The following PDS5B variants were observed in gnomAD, a reference collection of about 807,000 sequenced individuals.
PDS5B encodes PDS5 cohesin associated factor B.
PDS5B carries 51 observed loss-of-function variants against 184.1 expected under a neutral mutation model. The observed-to-expected ratio is 0.28, with a 90% CI of 0.22 to 0.35. The LOEUF is 0.35. Among genes scored for constraint, PDS5B ranks in the 10% least tolerant of loss-of-function variants. The pLI, the probability that PDS5B is intolerant of heterozygous loss-of-function variation, is 1.00. For missense variants in PDS5B, 1,180 were observed against 1,723.3 expected (o/e 0.68, Z 5.58); for synonymous variants, 566 against 569.2 (o/e 0.99, Z 0.08).
rs762676795 is a variant in PDS5B at position 32,678,818 on chromosome 13, C to T, written c.963-17C>T. The stretch of plus-strand genomic sequence containing the variant: ...CTCTTATTTTGAAGCTCACTCTGTG[C>T]TTTTATATTTTATCAGGTTTAATGA... On this transcript the variant is annotated splice_polypyrimidine_tract_variant and intron_variant, in intron 9 of 34. Coordinates refer to ENST00000315596, the MANE Select transcript of PDS5B (RefSeq NM_015032.4). 7.2e-7 allele frequency: 1 copy of T among 1,391,620 alleles called. No individual in the cohort carries two copies. The highest frequency in any genetic ancestry group is 1.0e-6 in the Non-Finnish European group (1 of 977,950). 86.2% of individuals were successfully genotyped at this position (1,391,620 alleles called of 1,614,324 possible). A position where few individuals can be genotyped will look rare whatever the true frequency, so the allele number is the denominator to read the frequency against.
At chr13:32,643,672 G>A (rs994243156) in intron 1 of PDS5B, among the ~76,000 whole-genome samples, 1 of 152,100 alleles carries the variant, frequency 6.6e-6, no homozygotes. Flanking sequence ...TGTTACGGTT[G>A]TGTACAGTAT....
In PDS5B at chr13:32,746,993, A is replaced by G. The variant is rs974491872; in HGVS notation, c.2736+893A>G. Among the ~76,000 whole-genome samples, 2 of 152,332 alleles carry G rather than the reference A, an allele frequency of 1.3e-5. 1 individual carries two copies. The highest frequency in any genetic ancestry group is 1.3e-4 in the Admixed American group (2 of 15,298). On this transcript the variant is annotated intron_variant, in intron 24 of 34. Coordinates refer to ENST00000315596, the MANE Select transcript of PDS5B (RefSeq NM_015032.4). ...GGAAAACAACAGTATCGAAATTTAT[A>G]CTTTTATAAAGACATGACATAGAAC...
chr13:32,595,181 T>A (rs937965058), intron 1 of PDS5B, among the ~76,000 whole-genome samples: 4 of 151,932 alleles, frequency 2.6e-5, no homozygotes, highest in Non-Finnish European at 5.9e-5. Context: ...AAAAAAAAAA[T>A]GTTGTAGGGG....
At chr13:32,747,807 G>C (rs935714632) in intron 24 of PDS5B, among the ~76,000 whole-genome samples, 1 of 152,182 alleles carries the variant, frequency 6.6e-6, no homozygotes, top group Non-Finnish European at 1.5e-5. Context: ...AGCATTTGCT[G>C]CTATCATTAT....
chr13:32,749,815 G>A (rs1193107900), intron 24 of PDS5B, among the ~76,000 whole-genome samples: 1 of 151,892 alleles, frequency 6.6e-6, no homozygotes, highest in African/African-American at 2.4e-5. Context: ...TAAAAGCTTT[G>A]ATTGGAACTT....
chr13:32,776,285 G>C lies in PDS5B; in HGVS notation c.*1233G>C, dbSNP rs1018729619. The C allele has an allele frequency of 1.3e-5, 2 of 152,484 alleles. No individual in the cohort carries two copies. The highest frequency in any genetic ancestry group is 2.9e-5 in the Non-Finnish European group (2 of 68,040). 9.4% of individuals were successfully genotyped at this position (152,484 alleles called of 1,614,324 possible). ...TTTGGAGCCAAAAAATTGATTCTGG[G>C]GGGTGGGGGCAGCGTAGAAGTGGTA... On this transcript the variant is annotated 3_prime_UTR_variant, in exon 35 of 35. Coordinates refer to ENST00000315596, the MANE Select transcript of PDS5B (RefSeq NM_015032.4).
At chr13:32,609,315 A>G (rs2058106010) in intron 1 of PDS5B, among the ~76,000 whole-genome samples, 1 of 152,234 alleles carries the variant, frequency 6.6e-6, no homozygotes, top group Admixed American at 6.5e-5. Context: ...AGAAAAGGTG[A>G]GAAAAGAATA....
At chr13:32,587,026 C>A (rs1384255331) in intron 1 of PDS5B, among the ~76,000 whole-genome samples, 90 of 145,384 alleles carry the variant, frequency 6.2e-4, no homozygotes, top group South Asian at 1.5e-3. Context: ...GCCCCTCCCC[C>A]CGCGCCCCGG....
At chr13:32,654,486 A>G (rs752085899) in intron 3 of PDS5B, among the ~76,000 whole-genome samples, 38 of 152,242 alleles carry the variant, frequency 2.5e-4, no homozygotes, top group Non-Finnish European at 4.7e-4. Flanking sequence ...CATATTTTCC[A>G]CAGTACTACT....
chr13:32,757,556 T>G (rs1954228175), intron 26 of PDS5B, among the ~76,000 whole-genome samples: 1 of 152,236 alleles, frequency 6.6e-6, no homozygotes, highest in African/African-American at 2.4e-5. Context: ...ACTGAGCTAC[T>G]GAAGCTTTCT....
chr13:32,636,406 A>G (rs2058560546), intron 1 of PDS5B, among the ~76,000 whole-genome samples: 1 of 152,240 alleles, frequency 6.6e-6, no homozygotes, highest in African/African-American at 2.4e-5. Flanking sequence ...GGCATTTGTT[A>G]CTAAACTTGG....
At chr13:32,641,580 G>A (rs531975387) in intron 1 of PDS5B, among the ~76,000 whole-genome samples, 2 of 151,792 alleles carry the variant, frequency 1.3e-5, no homozygotes, top group East Asian at 3.9e-4. Context: ...CATTTTTTCC[G>A]TAGATTTTTG....
intron 24 of PDS5B, among the ~76,000 whole-genome samples, chr13:32,751,194 A>G (rs995527656): frequency 6.6e-6 from 1 of 152,188 alleles, no homozygotes; most frequent in Non-Finnish European, 1.5e-5. Context: ...TATTGCTGCA[A>G]AAAGCACATG....
intron 23 of PDS5B, among the ~76,000 whole-genome samples, chr13:32,745,028 T>C (rs1376668910): frequency 6.6e-6 from 1 of 152,198 alleles, no homozygotes; most frequent in African/African-American, 2.4e-5. Flanking sequence ...TTAGCTAATA[T>C]ATCACTATAT....
chr13:32,769,472 A>G (rs1050571355), intron 31 of PDS5B, among the ~76,000 whole-genome samples: 1 of 152,220 alleles, frequency 6.6e-6, no homozygotes, highest in African/African-American at 2.4e-5. Context: ...TGGTTCACAT[A>G]TAGATTCTCT....
At chr13:32,653,757 C>G (rs1479401926) in intron 3 of PDS5B, among the ~76,000 whole-genome samples, 1 of 152,160 alleles carries the variant, frequency 6.6e-6, no homozygotes, top group Admixed American at 6.5e-5. Flanking sequence ...GTGAATTTCT[C>G]ATTTGGAGAT....
intron 1 of PDS5B, among the ~76,000 whole-genome samples, chr13:32,590,951 A>G (rs1410455579): frequency 2.6e-5 from 4 of 150,994 alleles, no homozygotes; most frequent in Non-Finnish European, 5.9e-5. Flanking sequence ...TAAAAGTTAT[A>G]CAGGTATATG....
chr13:32,620,923 G>A (rs2058292000), intron 1 of PDS5B, among the ~76,000 whole-genome samples: 1 of 152,214 alleles, frequency 6.6e-6, no homozygotes, highest in African/African-American at 2.4e-5. Context: ...CATTATTAGA[G>A]TAAACCAAGC....
intron 3 of PDS5B, among the ~76,000 whole-genome samples, chr13:32,656,148 T>A (rs183310536): frequency 3.9e-5 from 6 of 152,288 alleles, no homozygotes; most frequent in African/African-American, 1.4e-4. Flanking sequence ...TGTGTAGCAT[T>A]ATTTCTGGAC....
Sources: allele counts gnomAD v4.1 joint callset (sites outside exome capture counted in the v4.1 genomes callset), GRCh38; gene constraint gnomAD v4.1.1; transcripts MANE v1.5; gene names NCBI Gene and HGNC (gene_info 2026-07-23, HGNC 2026-07-21).